The following ENPP1 variants were observed in gnomAD, a reference collection of about 807,000 sequenced individuals.
ENPP1 encodes ectonucleotide pyrophosphatase/phosphodiesterase 1, also known as ectonucleotide pyrophosphatase/phosphodiesterase family member 1.
ENPP1 carries 73 observed loss-of-function variants against 122.8 expected under a neutral mutation model. That is an observed-to-expected ratio of 0.59 (90% CI 0.49 to 0.72). The LOEUF (loss-of-function observed/expected upper bound fraction) is 0.72. Among genes scored for constraint, ENPP1 ranks in the 30% least tolerant of loss-of-function variants. The pLI is 0.00. For synonymous variants in ENPP1, 367 were observed against 391.6 expected, an observed-to-expected ratio of 0.94 and a Z score of 0.74; for missense variants, 978 against 1,128.1, an observed-to-expected ratio of 0.87 and a Z score of 1.91.
At chr6:131,886,787 T>C in intron 24 of ENPP1, 63 bp downstream of exon 24, 6 of 1,434,284 alleles carry the variant, frequency 4.2e-6, no homozygotes, top group Non-Finnish European at 5.9e-6. Context: ...TATTTGTTTA[T>C]GTCACCCATC....
At chr6:131,888,710 T>C (rs112886398) in intron 24 of ENPP1, among the ~76,000 whole-genome samples, 15 of 152,352 alleles carry the variant, frequency 9.8e-5, no homozygotes, top group African/African-American at 3.6e-4. Context: ...TTTTAGTTGG[T>C]TGCCTGATGA....
At chr6:131,826,725 A>T in intron 1 of ENPP1, 1 of 531,698 alleles carries the variant, frequency 1.9e-6, no homozygotes, top group Non-Finnish European at 3.4e-6. Flanking sequence ...GAGGTCTGCA[A>T]TGACTTGTGG....
intron 1 of ENPP1, chr6:131,826,078 G>T: frequency 1.3e-6 from 1 of 780,532 alleles, no homozygotes; most frequent in South Asian, 1.3e-5. Context: ...CTGCTTTAGG[G>T]ACTGATATCC....
chr6:131,870,631 G>C (rs562789982), intron 13 of ENPP1, among the ~76,000 whole-genome samples: 19 of 152,304 alleles, frequency 1.2e-4, no homozygotes, highest in Non-Finnish European at 2.5e-4. Context: ...TATTAATGAA[G>C]AAAATAGATT....
intron 23 of ENPP1, 52 bp downstream of exon 23, chr6:131,885,115 AT>A (rs1426064260): frequency 1.5e-5 from 24 of 1,577,754 alleles, no homozygotes; most frequent in Non-Finnish European, 1.9e-5. Flanking sequence ...TCCAGTAGAA[AT>A]GGGATTACCA....
chr6:131,828,159 A>G (rs1585798014), intron 1 of ENPP1: 1 of 581,224 alleles, frequency 1.7e-6, no homozygotes, highest in South Asian at 1.4e-5. Flanking sequence ...GGGATCGGAA[A>G]CTGATGTCCC....
chr6:131,850,080 A>T lies in ENPP1; in HGVS notation c.404A>T (p.Asp135Val), dbSNP rs768396067. 1 of 1,613,012 alleles carries T rather than the reference A, an allele frequency of 6.2e-7. No homozygotes were observed. Among genetic ancestry groups the T allele is most frequent in the South Asian group, 1.1e-5 (1 of 91,066 alleles). ...ACVELGNCCL[D>V]YQETCIEPEH... ...GTTGAGCTTGGAAACTGCTGTTTAG[A>T]TTACCAGGAGACGTGCATAGAACCA... Residue 135 changes from aspartate (D) to valine (V), a missense_variant, in exon 3 of 25, where the codon GAT becomes GTT. Coordinates refer to ENST00000647893, the MANE Select transcript of ENPP1 (RefSeq NM_006208.3).
At chr6:131,886,909 T>TCTGCTTTTA (rs1455015879) in intron 24 of ENPP1, among the ~76,000 whole-genome samples, 185 bp downstream of exon 24, 4 of 148,124 alleles carry the variant, frequency 2.7e-5, no homozygotes, top group African/African-American at 1.0e-4. Context: ...ACTACCCTTG[T>TCTGCTTTTA]CTGCTTTTAC....
At chr6:131,812,939 A>C (rs1377012764) in intron 1 of ENPP1, among the ~76,000 whole-genome samples, 1 of 152,074 alleles carries the variant, frequency 6.6e-6, no homozygotes, top group Non-Finnish European at 1.5e-5. Context: ...TCCTGGGTTC[A>C]AGCGATTCTT....
At chr6:131,886,029 G>T (rs934978799) in intron 23 of ENPP1, among the ~76,000 whole-genome samples, 5 of 152,202 alleles carry the variant, frequency 3.3e-5, no homozygotes, top group African/African-American at 9.6e-5. Context: ...GAATGACTAT[G>T]AGGTAAAGAT....
chr6:131,882,980 G>A (rs1405629217), intron 21 of ENPP1, among the ~76,000 whole-genome samples: 2 of 152,134 alleles, frequency 1.3e-5, no homozygotes, highest in African/African-American at 2.4e-5. Context: ...GTTTGTCAGA[G>A]AAGTAGGTAA....
rs1031686621 is a variant in ENPP1, at chr6:131,890,862, C to A, written c.*351C>A. The A allele has an allele frequency of 3.2e-5, 9 of 280,428 alleles. No individual in the cohort carries two copies. Among genetic ancestry groups the A allele is most frequent in the African/African-American group, 2.0e-4 (9 of 45,462 alleles). 17.4% of individuals were successfully genotyped at this position (280,428 alleles called of 1,614,324 possible). A position where few individuals can be genotyped will look rare whatever the true frequency, so the allele number is the denominator to read the frequency against. ...AATCTTTCTTACTATTGGTAATAAA[C>A]CTTGATGGCATTGGGCAAACAGTAG... On this transcript the variant is annotated 3_prime_UTR_variant, in exon 25 of 25. Transcript: ENST00000647893.
At position 131,820,378 on chromosome 6, in the gene ENPP1, C is replaced by T. The variant is rs141823039; in HGVS notation, c.240+12103C>T. Reference sequence around the variant, plus strand: ...CTGTGACTTCTATCACCCCATTGATCGCCAGGGCTGATTTGGCTATCTGGC... The same window carrying T: ...CTGTGACTTCTATCACCCCATTGATTGCCAGGGCTGATTTGGCTATCTGGC... On this transcript the variant is annotated intron_variant, in intron 1 of 24. Coordinates refer to ENST00000647893, the MANE Select transcript of ENPP1 (RefSeq NM_006208.3). 204 of 156,062 alleles carry T rather than the reference C, an allele frequency of 1.3e-3. 1 individual carries two copies. Among genetic ancestry groups the T allele is most frequent in the African/African-American group, 4.3e-3 (179 of 41,562 alleles). The allele number at this position is 156,062 out of a possible 1,614,324, so 9.7% of individuals were successfully genotyped here. A position where few individuals can be genotyped will look rare whatever the true frequency, so the allele number is the denominator to read the frequency against.
At chr6:131,881,986 C>G (rs1236292424) in intron 20 of ENPP1, among the ~76,000 whole-genome samples, 2 of 151,682 alleles carry the variant, frequency 1.3e-5, no homozygotes, top group African/African-American at 2.4e-5. Context: ...CCGCTGCCCT[C>G]TAGTCTGGGT....
rs571920416 is a variant in ENPP1 at position 131,847,985 on chromosome 6, C to T, written c.313+137C>T. ...CTCCATAGATATTGTCAATTCAACG[C>T]TGGCTTGAGCCTTTTTCCTGAAGTT... is the stretch of plus-strand genomic sequence containing the variant. On this transcript the variant is annotated intron_variant, in intron 2 of 24. Transcript: ENST00000647893. 11 of 649,504 alleles carry T rather than the reference C, an allele frequency of 1.7e-5. No homozygotes were observed. The African/African-American group carries it at 1.8e-4, about 11-fold the overall frequency. 40.2% of individuals were successfully genotyped at this position (649,504 alleles called of 1,614,324 possible).
intron 22 of ENPP1, among the ~76,000 whole-genome samples, chr6:131,884,107 A>G (rs1475825377): frequency 6.6e-6 from 1 of 152,180 alleles, no homozygotes; most frequent in Non-Finnish European, 1.5e-5. Context: ...ATAATTGTCT[A>G]TGTTTTCAAA....
At chr6:131,864,416 G>A in intron 9 of ENPP1, 90 bp from the exon 10 acceptor site, 1 of 809,050 alleles carries the variant, frequency 1.2e-6, no homozygotes, top group East Asian at 2.5e-5. Flanking sequence ...GCATTTAGTA[G>A]CTCTTAATGA....
intron 1 of ENPP1, among the ~76,000 whole-genome samples, chr6:131,812,648 C>T (rs954467820): frequency 1.1e-4 from 16 of 152,154 alleles, no homozygotes; most frequent in South Asian, 6.2e-4. Context: ...GACTGTGGCT[C>T]GGGGAAACAC....
intron 1 of ENPP1, among the ~76,000 whole-genome samples, chr6:131,809,890 T>C (rs1338703338): frequency 6.6e-6 from 1 of 152,198 alleles, no homozygotes; most frequent in African/African-American, 2.4e-5. Context: ...CAGCATTCTG[T>C]GTGATGATGC....
Sources: gnomAD v4.1 joint callset for allele counts (sites outside exome capture counted in the v4.1 genomes callset) on GRCh38, gnomAD v4.1.1 for gene constraint, MANE v1.5 for transcripts, NCBI Gene and HGNC (gene_info 2026-07-23, HGNC 2026-07-21) for gene names.